Variants in TTI1 observed in about 807,000 individuals in gnomAD.
TTI1 encodes the protein TELO2-interacting protein 1 homolog.
TTI1 carries 52 observed loss-of-function variants against 85.4 expected under a neutral mutation model. That is an observed-to-expected ratio of 0.61 (90% CI 0.49 to 0.77). The LOEUF is 0.77. Ranked by LOEUF, TTI1 falls within the 30% of genes least tolerant of loss-of-function variation. The pLI is 0.00. For missense variants in TTI1, 1,173 were observed against 1,296.0 expected (o/e 0.91, Z 1.46); for synonymous variants, 512 against 503.9 (o/e 1.02, Z -0.22).
intron 7 of TTI1, among the ~76,000 whole-genome samples, chr20:37,984,554 C>A (rs535886675): frequency 6.6e-6 from 1 of 152,324 alleles, no homozygotes; most frequent in Admixed American, 6.5e-5. Context: ...TTCAGTCCGA[C>A]TTGGCAATCC....
At chr20:38,015,085 C>T (rs2073661930) in intron 1 of TTI1, among the ~76,000 whole-genome samples, 1 of 152,136 alleles carries the variant, frequency 6.6e-6, no homozygotes, top group Non-Finnish European at 1.5e-5. Context: ...GCTTGTGCTG[C>T]TTCTGTCTAC....
intron 7 of TTI1, among the ~76,000 whole-genome samples, chr20:37,991,800 T>C (rs528724728): frequency 1.3e-5 from 2 of 152,122 alleles, no homozygotes; most frequent in Non-Finnish European, 1.5e-5. Flanking sequence ...AAGCAGAGGG[T>C]AGAGGCCCCT....
intron 1 of TTI1, among the ~76,000 whole-genome samples, chr20:38,028,329 A>C (rs2073861452): frequency 6.6e-6 from 1 of 152,226 alleles, no homozygotes; most frequent in Non-Finnish European, 1.5e-5. Context: ...CAAAGGATGG[A>C]AAAAGATATT....
intron 1 of TTI1, among the ~76,000 whole-genome samples, chr20:38,025,563 C>G (rs2073826268): frequency 6.6e-6 from 1 of 150,502 alleles, no homozygotes; most frequent in Non-Finnish European, 1.5e-5. Flanking sequence ...GAGCGACACT[C>G]CATCTCAAAA....
At position 38,002,661 on chromosome 20, in the gene TTI1, C is replaced by G; in HGVS notation, c.2619G>C (p.Leu873Phe). The G allele has an allele frequency of 6.2e-7, 1 of 1,614,216 alleles. No homozygotes were observed. Residue 873 changes from leucine to phenylalanine, a missense_variant, in exon 4 of 8, where the codon TTG becomes TTC. By Grantham distance (22) the Leu-to-Phe change is conservative. Transcript: ENST00000373447. ...AMDVMERCIH[L>F]LSDKNLQIRL... ...GGATTTGCAGATTTTTATCTGACAA[C>G]AAGTGGATGCAGCGTTCCATCACGT...
At position 38,006,459 on chromosome 20, in the gene TTI1, C is replaced by T. The variant is rs1418120376; in HGVS notation, c.2303-62G>A. 46 of 1,577,966 alleles carry T rather than the reference C, an allele frequency of 2.9e-5. No homozygotes were observed. In the East Asian group the frequency reaches 9.8e-4, roughly 34 times the overall value. ...TAACAACAGGCATGAGTACTTTATA[C>T]ACAGAATAAGCTCTCTGCCCTGGCC... On this transcript the variant is annotated intron_variant, in intron 2 of 7. Transcript: ENST00000373447.
At chr20:38,025,494 G>A (rs934658269) in intron 1 of TTI1, among the ~76,000 whole-genome samples, 2 of 151,870 alleles carry the variant, frequency 1.3e-5, no homozygotes, top group Non-Finnish European at 2.9e-5. Flanking sequence ...ACTTGAACCC[G>A]GAAGGTGGAG....
chr20:37,999,656 G>A (rs1256005948), intron 4 of TTI1, among the ~76,000 whole-genome samples: 1 of 152,210 alleles, frequency 6.6e-6, no homozygotes, highest in Admixed American at 6.5e-5. Context: ...ACCACAGACT[G>A]TTGGGAAGGC....
rs150461799 is a variant in TTI1, at chr20:38,003,832, C to T, written c.2504-1056G>A. ...AGCTGGGAAGTTCCATGGCTGGCCT[C>T]TGCTCTGTCCTTCACTTTTTTGTCT... On this transcript the variant is annotated intron_variant, in intron 3 of 7. Coordinates refer to ENST00000373447, the MANE Select transcript of TTI1 (RefSeq NM_001303457.2). Among the ~76,000 whole-genome samples, 1,258 of 152,010 alleles carry T rather than the reference C, an allele frequency of 8.3e-3. 3 individuals carry two copies. Among genetic ancestry groups the T allele is most frequent in the South Asian group, 0.03 (143 of 4,808 alleles).
chr20:38,024,672 G>A lies in TTI1; in HGVS notation c.-42+8732C>T, dbSNP rs749957344. The stretch of plus-strand genomic sequence containing the variant: ...AGCCAAACACTACAGAAAATAAGGC[G>A]GCCTCCACCCACGGTGGCAAAGGCT... On this transcript the variant is annotated intron_variant, in intron 1 of 7. Transcript: ENST00000373447. 5.9e-5 allele frequency among the ~76,000 whole-genome samples: 9 copies of A among 152,084 alleles called. No homozygotes were observed. The East Asian group carries it at 1.2e-3, about 20-fold the overall frequency.
At chr20:38,028,648 C>A (rs1265330382) in intron 1 of TTI1, among the ~76,000 whole-genome samples, 8 of 152,342 alleles carry the variant, frequency 5.3e-5, no homozygotes, top group South Asian at 2.1e-4. Context: ...CATCAACCAA[C>A]AGGACCTATG....
At position 38,013,483 on chromosome 20, in the gene TTI1, G is replaced by A. The variant is rs766101997; in HGVS notation, c.334C>T (p.Pro112Ser). 149 of 1,613,932 alleles carry A rather than the reference G, an allele frequency of 9.2e-5. 1 individual carries two copies. The highest frequency in any genetic ancestry group is 1.1e-4 in the Non-Finnish European group (135 of 1,180,052). ...TTCAACTCCTCGGACACAGCCGCAGGTTTTTGGGAGCTGGGTGAATACAGA... is the reference window on the plus strand; with the variant it reads ...TTCAACTCCTCGGACACAGCCGCAGATTTTTGGGAGCTGGGTGAATACAGA... ...ACLYSPSSQK[P>S]AAVSEELKLA... Residue 112 changes from proline to serine, a missense_variant, in exon 2 of 8, where the codon CCT becomes TCT. Physicochemically the swap from Pro to Ser is moderately conservative, Grantham distance 74. Coordinates refer to ENST00000373447, the MANE Select transcript of TTI1 (RefSeq NM_001303457.2).
intron 5 of TTI1, among the ~76,000 whole-genome samples, chr20:37,998,055 G>C (rs1381708113): frequency 2.0e-5 from 3 of 152,056 alleles, no homozygotes; most frequent in Non-Finnish European, 4.4e-5. Context: ...TCAGCCTCCT[G>C]AGTAGCTGGG....
chr20:38,032,447 T>C (rs2073924732), intron 1 of TTI1, among the ~76,000 whole-genome samples: 1 of 152,230 alleles, frequency 6.6e-6, no homozygotes, highest in Non-Finnish European at 1.5e-5. Flanking sequence ...CAGGAAATTT[T>C]AAAACCCTCT....
chr20:38,010,356 T>C (rs1221421293), intron 2 of TTI1, among the ~76,000 whole-genome samples: 2 of 152,230 alleles, frequency 1.3e-5, no homozygotes, highest in Non-Finnish European at 2.9e-5. Flanking sequence ...AAATATGCTC[T>C]TTAAATAAAA....
intron 3 of TTI1, among the ~76,000 whole-genome samples, chr20:38,003,357 C>A (rs539191695): frequency 1.3e-5 from 2 of 152,294 alleles, no homozygotes; most frequent in South Asian, 4.1e-4. Context: ...GCAGCATGAA[C>A]ACTACTACAT....
chr20:37,990,088 C>T (rs2073242040), intron 7 of TTI1, among the ~76,000 whole-genome samples: 1 of 152,204 alleles, frequency 6.6e-6, no homozygotes, highest in Admixed American at 6.5e-5. Context: ...AAGCACAGAG[C>T]CACTCTGAAA....
chr20:38,019,372 T>A (rs545020045), intron 1 of TTI1, among the ~76,000 whole-genome samples: 95 of 152,250 alleles, frequency 6.2e-4, no homozygotes, highest in Non-Finnish European at 1.2e-3. Context: ...TGTGTATATA[T>A]AAAACTAAAA....
intron 1 of TTI1, among the ~76,000 whole-genome samples, chr20:38,027,625 C>T (rs1196811854): frequency 6.6e-6 from 1 of 152,090 alleles, no homozygotes; most frequent in African/African-American, 2.4e-5. Flanking sequence ...GAAAAGAAAA[C>T]GTTATTAAGA....
Sources: gnomAD v4.1 joint callset for allele counts (sites outside exome capture counted in the v4.1 genomes callset) on GRCh38, gnomAD v4.1.1 for gene constraint, MANE v1.5 for transcripts, NCBI Gene and HGNC (gene_info 2026-07-23, HGNC 2026-07-21) for gene names.